Variants in CNTN5 observed in about 807,000 individuals in gnomAD.
CNTN5 encodes the protein contactin 5.
A neutral mutation model predicts 129.1 loss-of-function variants in CNTN5; 77 were observed. The ratio of observed to expected loss-of-function variants is 0.60; its 90% CI spans 0.50 to 0.72. The LOEUF is 0.72. Ranked by LOEUF, CNTN5 falls within the 30% of genes least tolerant of loss-of-function variation. The pLI is 0.00. For synonymous variants in CNTN5, 509 were observed against 465.6 expected (o/e 1.09, Z -1.20); for missense variants, 1,478 against 1,328.8 (o/e 1.11, Z -1.75).
intron 3 of CNTN5, among the ~76,000 whole-genome samples, chr11:99,730,859 C>T (rs191748987): frequency 2.0e-5 from 3 of 152,272 alleles, no homozygotes; most frequent in South Asian, 4.1e-4. Context: ...ACTGTAGTCA[C>T]TCTGCTGTGC....
At chr11:100,021,495 A>G (rs182466414) in intron 9 of CNTN5, among the ~76,000 whole-genome samples, 1 of 152,320 alleles carries the variant, frequency 6.6e-6, no homozygotes, top group Admixed American at 6.5e-5. Flanking sequence ...AATCTCTATT[A>G]TATAGTGTAC....
At chr11:99,120,288 A>G (rs1858247059) in intron 1 of CNTN5, 1 of 151,976 alleles carries the variant, frequency 6.6e-6, no homozygotes, top group Admixed American at 6.6e-5. Flanking sequence ...TTCCTTCCTC[A>G]CCACTCCATG....
At chr11:99,283,421 T>C (rs1049464268) in intron 1 of CNTN5, among the ~76,000 whole-genome samples, 10 of 152,004 alleles carry the variant, frequency 6.6e-5, no homozygotes, top group African/African-American at 2.4e-4. Context: ...TGCACACACA[T>C]GTGCTTTTGT....
chr11:99,587,108 G>A (rs999605406), intron 3 of CNTN5, among the ~76,000 whole-genome samples: 1 of 152,010 alleles, frequency 6.6e-6, no homozygotes, highest in Non-Finnish European at 1.5e-5. Context: ...AGGTCATATT[G>A]CAATGAAGTC....
chr11:99,211,295 G>T (rs941111068), intron 1 of CNTN5, among the ~76,000 whole-genome samples: 2 of 152,080 alleles, frequency 1.3e-5, no homozygotes, highest in Non-Finnish European at 2.9e-5. Context: ...AGGACGCAAA[G>T]ATAGATTTTT....
intron 1 of CNTN5, among the ~76,000 whole-genome samples, chr11:99,060,736 T>C (rs1864840019): frequency 6.6e-6 from 1 of 152,138 alleles, no homozygotes; most frequent in Admixed American, 6.6e-5. Context: ...TAAAAGCATG[T>C]AACCAAAATA....
intron 1 of CNTN5, among the ~76,000 whole-genome samples, chr11:99,304,517 T>A (rs55888187): frequency 0.017 from 2,660 of 152,282 alleles, 41 homozygotes; most frequent in African/African-American, 0.031. Flanking sequence ...TCCTCTGTAT[T>A]CTGGAGAGAA....
At chr11:99,978,012 A>AC (rs1223043190) in intron 8 of CNTN5, among the ~76,000 whole-genome samples, 1 of 152,246 alleles carries the variant, frequency 6.6e-6, no homozygotes, top group African/African-American at 2.4e-5. Context: ...TCAGTGATGG[A>AC]CCACATATAT....
intron 13 of CNTN5, among the ~76,000 whole-genome samples, chr11:100,076,781 A>G (rs1944147981): frequency 6.6e-6 from 1 of 152,146 alleles, no homozygotes; most frequent in Non-Finnish European, 1.5e-5. Context: ...TTATTGAATA[A>G]CAAAGCCCAG....
chr11:99,107,938 T>TAAAAAAAAAA (rs55786739), intron 1 of CNTN5, among the ~76,000 whole-genome samples: 2 of 103,522 alleles, frequency 1.9e-5, no homozygotes, highest in Non-Finnish European at 3.9e-5. Flanking sequence ...CTCAAAAAAG[T>TAAAAAAAAAA]AAAAAAAAAA....
intron 1 of CNTN5, among the ~76,000 whole-genome samples, chr11:99,118,937 T>G (rs1375110470): frequency 6.6e-6 from 1 of 151,926 alleles, no homozygotes; most frequent in Admixed American, 6.6e-5. Context: ...TATAATTATG[T>G]TAGATAATAT....
chr11:99,369,463 A>G (rs1939697260), intron 2 of CNTN5, among the ~76,000 whole-genome samples: 1 of 151,416 alleles, frequency 6.6e-6, no homozygotes, highest in African/African-American at 2.4e-5. Context: ...TGGGAATATT[A>G]ATTGCTTGTC....
At chr11:99,025,736 G>T (rs1863082680) in intron 1 of CNTN5, among the ~76,000 whole-genome samples, 1 of 151,648 alleles carries the variant, frequency 6.6e-6, no homozygotes, top group Non-Finnish European at 1.5e-5. Flanking sequence ...TTCATTAGTT[G>T]CAGGAGTTTG....
In CNTN5 at chr11:99,307,831, C is replaced by A. The variant is rs148440060; in HGVS notation, c.-209-17515C>A. Among the ~76,000 whole-genome samples the A allele has an allele frequency of 4.1e-4, 63 of 152,182 alleles. 1 individual carries two copies. The East Asian group carries it at 0.01, about 25-fold the overall frequency. Reference sequence around the variant, plus strand: ...AGGCTGTCATATTTTACAAGAGGGCCATGGGAATATTTTCACGCAGTTTTC... The same window carrying A: ...AGGCTGTCATATTTTACAAGAGGGCAATGGGAATATTTTCACGCAGTTTTC... On this transcript the variant is annotated intron_variant, in intron 1 of 24. Coordinates refer to ENST00000524871, the MANE Select transcript of CNTN5 (RefSeq NM_014361.4).
intron 16 of CNTN5, among the ~76,000 whole-genome samples, chr11:100,255,505 A>G (rs1950047405): frequency 6.6e-6 from 1 of 151,916 alleles, no homozygotes; most frequent in Non-Finnish European, 1.5e-5. Flanking sequence ...TTCTTTTTCT[A>G]TAAAATATAA....
At chr11:99,384,497 C>A (rs1297549512) in intron 2 of CNTN5, among the ~76,000 whole-genome samples, 2 of 152,112 alleles carry the variant, frequency 1.3e-5, no homozygotes, top group African/African-American at 2.4e-5. Flanking sequence ...ACTCAGGACA[C>A]CAGAAAAGTG....
intron 3 of CNTN5, among the ~76,000 whole-genome samples, chr11:99,692,641 C>A (rs1954086741): frequency 6.6e-6 from 1 of 151,924 alleles, no homozygotes; most frequent in Non-Finnish European, 1.5e-5. Context: ...ATGACCTGAC[C>A]TCTTTCTCTC....
intron 3 of CNTN5, among the ~76,000 whole-genome samples, chr11:99,639,084 A>C (rs1004521656): frequency 6.6e-6 from 1 of 152,178 alleles, no homozygotes; most frequent in Non-Finnish European, 1.5e-5. Context: ...AATCTAGGCA[A>C]AGGTTCCCAA....
intron 13 of CNTN5, among the ~76,000 whole-genome samples, chr11:100,093,404 G>A (rs1015482782): frequency 3.9e-4 from 60 of 152,004 alleles, no homozygotes; most frequent in African/African-American, 1.4e-3. Flanking sequence ...GGGACTACAG[G>A]TGTGTGCCAT....
Sources: allele counts gnomAD v4.1 joint callset (sites outside exome capture counted in the v4.1 genomes callset), GRCh38; gene constraint gnomAD v4.1.1; transcripts MANE v1.5; gene names NCBI Gene and HGNC (gene_info 2026-07-23, HGNC 2026-07-21).